The following VAT1L variants were observed in gnomAD, a reference collection of about 807,000 sequenced individuals.
The protein encoded by VAT1L is vesicle amine transport 1 like.
In VAT1L, 34 loss-of-function variants were observed where a neutral mutation model predicts 44.1. The ratio of observed to expected loss-of-function variants is 0.77; its 90% confidence interval spans 0.59 to 1.03. The LOEUF (loss-of-function observed/expected upper bound fraction) is 1.03, where lower values mean the gene tolerates loss of function less well. Among genes scored for constraint, VAT1L ranks in the 50% least tolerant of loss-of-function variants. The probability of loss-of-function intolerance (pLI) is 0.00; values close to 1 mark genes in which losing one functional copy is unlikely to be tolerated. For synonymous variants in VAT1L, 253 were observed against 202.2 expected (o/e 1.25, Z -2.13); for missense variants, 615 against 538.8 (o/e 1.14, Z -1.40).
intron 2 of VAT1L, among the ~76,000 whole-genome samples, chr16:77,818,693 C>G (rs186860289): frequency 6.6e-6 from 1 of 152,292 alleles, no homozygotes; most frequent in Admixed American, 6.5e-5. Flanking sequence ...TTATCTTTTG[C>G]TAATTTGCCC....
chr16:77,883,168 A>G (rs989200688), intron 6 of VAT1L, among the ~76,000 whole-genome samples: 7 of 152,226 alleles, frequency 4.6e-5, no homozygotes, highest in Non-Finnish European at 1.0e-4. Flanking sequence ...CAATGATAAC[A>G]TAAAGGCTAT....
At chr16:77,811,835 A>C (rs1567472820) in intron 1 of VAT1L, among the ~76,000 whole-genome samples, 1 of 152,192 alleles carries the variant, frequency 6.6e-6, no homozygotes, top group Admixed American at 6.5e-5. Flanking sequence ...GTCTAAGCAT[A>C]CAAGTCAATG....
At chr16:77,857,410 C>G (rs991026124) in intron 3 of VAT1L, among the ~76,000 whole-genome samples, 25 of 152,112 alleles carry the variant, frequency 1.6e-4, no homozygotes, top group Non-Finnish European at 4.4e-5. Flanking sequence ...TGGGAAGGCA[C>G]TTTTCTGCTT....
chr16:77,894,534 G>A (rs994350750), intron 7 of VAT1L, among the ~76,000 whole-genome samples: 15 of 152,164 alleles, frequency 9.9e-5, no homozygotes, highest in African/African-American at 3.1e-4. Context: ...AAGCCAATTC[G>A]TGGTTGCCTA....
At chr16:77,795,623 C>A (rs938799067) in intron 1 of VAT1L, among the ~76,000 whole-genome samples, 1 of 152,030 alleles carries the variant, frequency 6.6e-6, no homozygotes, top group Admixed American at 6.5e-5. Context: ...TGGGTCAATT[C>A]AGAAAAGATT....
chr16:77,893,364 A>T (rs1194302242), intron 7 of VAT1L, among the ~76,000 whole-genome samples: 2 of 152,244 alleles, frequency 1.3e-5, no homozygotes, highest in Non-Finnish European at 2.9e-5. Context: ...GTCAGCAATG[A>T]CCAAGGGTCT....
intron 8 of VAT1L, among the ~76,000 whole-genome samples, chr16:77,972,283 G>C (rs1016680078): frequency 4.6e-5 from 7 of 152,246 alleles, no homozygotes; most frequent in African/African-American, 1.7e-4. Flanking sequence ...GATGCCAGCT[G>C]CTTCCGAGAT....
chr16:77,914,096 C>T (rs1382019427), intron 7 of VAT1L, among the ~76,000 whole-genome samples: 2 of 152,156 alleles, frequency 1.3e-5, no homozygotes, highest in African/African-American at 2.4e-5. Flanking sequence ...ATCTGAATTA[C>T]AAAATAGATG....
At chr16:77,916,054 T>C (rs2017548843) in intron 7 of VAT1L, among the ~76,000 whole-genome samples, 1 of 152,184 alleles carries the variant, frequency 6.6e-6, no homozygotes, top group Non-Finnish European at 1.5e-5. Context: ...ATGCGGAACA[T>C]TAATTCCCTG....
intron 3 of VAT1L, among the ~76,000 whole-genome samples, chr16:77,834,058 G>T (rs1314216285): frequency 3.3e-5 from 5 of 152,160 alleles, no homozygotes; most frequent in Admixed American, 6.6e-5. Context: ...CAACCAGAAT[G>T]GTTCTCCACA....
At chr16:77,900,244 G>A (rs993380322) in intron 7 of VAT1L, among the ~76,000 whole-genome samples, 2 of 152,086 alleles carry the variant, frequency 1.3e-5, no homozygotes, top group African/African-American at 4.8e-5. Flanking sequence ...TCCTTATTCC[G>A]GAGATCATAT....
intron 7 of VAT1L, among the ~76,000 whole-genome samples, chr16:77,917,697 C>T (rs980191050): frequency 2.0e-5 from 3 of 152,282 alleles, no homozygotes; most frequent in East Asian, 3.9e-4. Context: ...ATCTAAGGTT[C>T]CCTCCACTCT....
Position 77,979,169 on chromosome 16 carries a change from A to AT in VAT1L, c.*1476dup, listed in dbSNP as rs2018372938. On this transcript the variant is annotated 3_prime_UTR_variant, in exon 9 of 9. Transcript: ENST00000302536. ...GTCCTTTTGTAGCAAATGTCACCTC[A>AT]TTCGTGGTCTTTTTACCTATCCTAA... 6.6e-6 allele frequency: 1 copy of AT among 152,664 alleles called. No individual in the cohort carries two copies. Among genetic ancestry groups the AT allele is most frequent in the African/African-American group, 2.4e-5 (1 of 41,466 alleles). The allele number at this position is 152,664 out of a possible 1,614,324, so 9.5% of individuals were successfully genotyped here.
At chr16:77,972,300 T>A (rs530088246) in intron 8 of VAT1L, among the ~76,000 whole-genome samples, 1 of 152,286 alleles carries the variant, frequency 6.6e-6, no homozygotes, top group South Asian at 2.1e-4. Flanking sequence ...AGATGCTCCC[T>A]GATGGTTCCA....
intron 7 of VAT1L, among the ~76,000 whole-genome samples, chr16:77,911,843 C>T (rs1238660415): frequency 6.6e-6 from 1 of 152,178 alleles, no homozygotes; most frequent in Non-Finnish European, 1.5e-5. Context: ...GATGAGAATT[C>T]CAAATGGGAA....
chr16:77,918,059 G>C (rs7201537), intron 7 of VAT1L, among the ~76,000 whole-genome samples: 2 of 152,178 alleles, frequency 1.3e-5, no homozygotes, highest in African/African-American at 4.8e-5. Context: ...CTATCAAAAA[G>C]AAACAGTTTG....
At chr16:77,864,826 G>A (rs1187659014) in intron 4 of VAT1L, among the ~76,000 whole-genome samples, 1 of 152,106 alleles carries the variant, frequency 6.6e-6, no homozygotes, top group Non-Finnish European at 1.5e-5. Context: ...TGTCCCAATA[G>A]TTCCAGCAGG....
At chr16:77,947,873 C>A (rs530971271) in intron 7 of VAT1L, among the ~76,000 whole-genome samples, 5 of 152,262 alleles carry the variant, frequency 3.3e-5, no homozygotes, top group African/African-American at 9.6e-5. Flanking sequence ...GATTCTCCTG[C>A]CTCAGCCTCC....
chr16:77,814,468 C>T (rs2016318257), intron 1 of VAT1L, among the ~76,000 whole-genome samples: 2 of 152,152 alleles, frequency 1.3e-5, no homozygotes, highest in Non-Finnish European at 2.9e-5. Flanking sequence ...AGCTGGCTCT[C>T]AGTTTACCAT....
Sources: allele counts gnomAD v4.1 joint callset (sites outside exome capture counted in the v4.1 genomes callset), GRCh38; gene constraint gnomAD v4.1.1; transcripts MANE v1.5; gene names NCBI Gene and HGNC (gene_info 2026-07-23, HGNC 2026-07-21).